Variants in GBE1 observed in about 807,000 individuals in gnomAD.
GBE1 encodes 1,4-alpha-glucan-branching enzyme.
GBE1 carries 70 observed loss-of-function variants against 88.8 expected under a neutral mutation model. The ratio of observed to expected loss-of-function variants is 0.79; its 90% confidence interval spans 0.65 to 0.96. The LOEUF (loss-of-function observed/expected upper bound fraction) is 0.96, where lower values mean the gene tolerates loss of function less well. GBE1 is among the 40% of genes least tolerant of loss of function. The pLI is 0.00. For missense variants in GBE1, 872 were observed against 871.0 expected (o/e 1.00, Z -0.01); for synonymous variants, 284 against 300.1 (o/e 0.95, Z 0.56).
chr3:81,716,390 G>A (rs946180434), intron 1 of GBE1, among the ~76,000 whole-genome samples: 2 of 152,036 alleles, frequency 1.3e-5, no homozygotes, highest in Admixed American at 6.6e-5. Context: ...AGTAAATAGC[G>A]GCTATTATTT....
At chr3:81,656,304 T>C (rs1704937918) in intron 3 of GBE1, among the ~76,000 whole-genome samples, 1 of 152,078 alleles carries the variant, frequency 6.6e-6, no homozygotes, top group African/African-American at 2.4e-5. Flanking sequence ...ATTTTACATA[T>C]AGAAGAGGAG....
At chr3:81,716,101 T>C (rs886445194) in intron 1 of GBE1, among the ~76,000 whole-genome samples, 1 of 152,162 alleles carries the variant, frequency 6.6e-6, no homozygotes, top group African/African-American at 2.4e-5. Flanking sequence ...TTGTGACCAA[T>C]CTAATAAACA....
intron 1 of GBE1, among the ~76,000 whole-genome samples, chr3:81,714,186 T>C (rs190344595): frequency 1.2e-3 from 181 of 152,296 alleles, no homozygotes; most frequent in Non-Finnish European, 1.0e-3. Context: ...TCCTAGTACA[T>C]ACAATACTGG....
At chr3:81,634,163 C>G (rs1308798218) in intron 7 of GBE1, among the ~76,000 whole-genome samples, 1 of 152,192 alleles carries the variant, frequency 6.6e-6, no homozygotes, top group Admixed American at 6.6e-5. Flanking sequence ...GCGAGTCCTG[C>G]TTTTATCCTT....
At chr3:81,573,519 C>T (rs1703602978) in intron 12 of GBE1, among the ~76,000 whole-genome samples, 1 of 152,150 alleles carries the variant, frequency 6.6e-6, no homozygotes, top group South Asian at 2.1e-4. Context: ...CTATCACTTG[C>T]CTGTATTCCC....
intron 3 of GBE1, among the ~76,000 whole-genome samples, chr3:81,653,798 T>A (rs1003669489): frequency 1.4e-4 from 21 of 152,150 alleles, no homozygotes; most frequent in African/African-American, 5.1e-4. Flanking sequence ...TATAAAAATA[T>A]CAATATGGTT....
intron 11 of GBE1, among the ~76,000 whole-genome samples, chr3:81,579,180 G>A (rs558816619): frequency 6.6e-6 from 1 of 152,036 alleles, no homozygotes; most frequent in South Asian, 2.1e-4. Flanking sequence ...ATTAAGTTAA[G>A]TTTACAAATT....
intron 1 of GBE1, among the ~76,000 whole-genome samples, chr3:81,734,963 T>C (rs1483597179): frequency 6.6e-6 from 1 of 152,190 alleles, no homozygotes; most frequent in Non-Finnish European, 1.5e-5. Flanking sequence ...CCCAGCTCCA[T>C]CTCACCTGGG....
intron 2 of GBE1, among the ~76,000 whole-genome samples, chr3:81,681,592 C>G (rs1559686109): frequency 6.6e-6 from 1 of 152,140 alleles, no homozygotes; most frequent in Non-Finnish European, 1.5e-5. Context: ...ATAATGGTTT[C>G]TAATATAGCT....
In GBE1 at chr3:81,535,116, T is replaced by A. The variant is rs1214738870; in HGVS notation, c.1934+79A>T. On this transcript the variant is annotated intron_variant, in intron 14 of 15. Transcript: ENST00000429644. ...TTTCTGTCATCAAGATCAACCTTAG[T>A]CTTTTTTTTTTTTTTGTCCTATAAT... is the stretch of plus-strand genomic sequence containing the variant. 4.3e-6 allele frequency: 5 copies of A among 1,172,144 alleles called. No homozygotes were observed. The African/African-American group carries it at 1.1e-4, about 26-fold the overall frequency. 72.6% of individuals were successfully genotyped at this position (1,172,144 alleles called of 1,614,324 possible). A position where few individuals can be genotyped will look rare whatever the true frequency, so the allele number is the denominator to read the frequency against.
At chr3:81,514,651 A>G (rs1399465932) in intron 14 of GBE1, among the ~76,000 whole-genome samples, 3 of 151,638 alleles carry the variant, frequency 2.0e-5, no homozygotes, top group Non-Finnish European at 4.4e-5. Flanking sequence ...GCAGCTTTCA[A>G]AAATGCTTAG....
intron 12 of GBE1, among the ~76,000 whole-genome samples, chr3:81,575,402 A>G (rs1335846824): frequency 6.6e-6 from 1 of 152,182 alleles, no homozygotes; most frequent in African/African-American, 2.4e-5. Flanking sequence ...AGAATACATA[A>G]GACAAAAACA....
chr3:81,737,032 C>A (rs1706265135), intron 1 of GBE1, among the ~76,000 whole-genome samples: 1 of 151,550 alleles, frequency 6.6e-6, no homozygotes, highest in Non-Finnish European at 1.5e-5. Flanking sequence ...AAGAAGCTAG[C>A]AGTAAAGATG....
At chr3:81,737,368 T>TAA (rs1188734355) in intron 1 of GBE1, among the ~76,000 whole-genome samples, 1 of 34,030 alleles carries the variant, frequency 2.9e-5, no homozygotes, top group Non-Finnish European at 6.3e-5. Context: ...TTTATATATT[T>TAA]ATATATATTT....
intron 14 of GBE1, among the ~76,000 whole-genome samples, chr3:81,499,737 AT>A (rs1186633917): frequency 6.6e-6 from 1 of 152,234 alleles, no homozygotes; most frequent in Non-Finnish European, 1.5e-5. Flanking sequence ...TCAATTTCAG[AT>A]AAAAAATATT....
At chr3:81,700,371 C>G (rs554126465) in intron 2 of GBE1, among the ~76,000 whole-genome samples, 1 of 152,056 alleles carries the variant, frequency 6.6e-6, no homozygotes, top group South Asian at 2.1e-4. Flanking sequence ...AATTACCCTT[C>G]TTAAAAAACT....
At chr3:81,651,893 C>T (rs1281687854) in intron 3 of GBE1, among the ~76,000 whole-genome samples, 1 of 152,220 alleles carries the variant, frequency 6.6e-6, no homozygotes, top group Non-Finnish European at 1.5e-5. Context: ...CTTTGGAACA[C>T]TAATCCATTC....
intron 1 of GBE1, among the ~76,000 whole-genome samples, chr3:81,745,875 T>G (rs1290925878): frequency 6.6e-6 from 1 of 152,130 alleles, no homozygotes; most frequent in East Asian, 1.9e-4. Context: ...CAACAACTAA[T>G]CAATTTCTAT....
rs73853479 is a variant in GBE1, at chr3:81,734,716, T to C, written c.143+26659A>G. Among the ~76,000 whole-genome samples the C allele has an allele frequency of 5.0e-3, 767 of 152,208 alleles. 2 individuals carry two copies. The highest frequency in any genetic ancestry group is 0.018 in the African/African-American group (736 of 41,538). On this transcript the variant is annotated intron_variant, in intron 1 of 15. Coordinates refer to ENST00000429644, the MANE Select transcript of GBE1 (RefSeq NM_000158.4). ...TAAAACAATGAAGGTGTTCAGTTCTTCTCACTAGCTGAAGACAATGTGCCT... is the reference window on the plus strand; with the variant it reads ...TAAAACAATGAAGGTGTTCAGTTCTCCTCACTAGCTGAAGACAATGTGCCT...
Sources: allele counts gnomAD v4.1 joint callset (sites outside exome capture counted in the v4.1 genomes callset), GRCh38; gene constraint gnomAD v4.1.1; transcripts MANE v1.5; gene names NCBI Gene and HGNC (gene_info 2026-07-23, HGNC 2026-07-21).